IQCM: variants seen among roughly 807,000 people sequenced by gnomAD.
IQCM encodes the protein IQ motif containing M.
A neutral mutation model predicts 57.6 loss-of-function variants in IQCM; 45 were observed. That is an observed-to-expected ratio of 0.78 (90% CI 0.62 to 1.00). IQCM has a LOEUF of 1.00. Among genes scored for constraint, IQCM ranks in the 50% least tolerant of loss-of-function variants. IQCM has a pLI of 0.00. For synonymous variants in IQCM, 148 were observed against 158.9 expected, an observed-to-expected ratio of 0.93 and a Z score of 0.51; for missense variants, 468 against 511.6, an observed-to-expected ratio of 0.91 and a Z score of 0.82.
rs540402807 is a variant in IQCM at position 149,577,894 on chromosome 4, T to G, written c.749+10036A>C. Among the ~76,000 whole-genome samples the G allele has an allele frequency of 4.8e-4, 73 of 152,034 alleles. 1 individual carries two copies. The South Asian group carries it at 0.015, about 32-fold the overall frequency. The stretch of plus-strand genomic sequence containing the variant: ...TTCATTTGTTTGGGTCATCCTTGAT[T>G]TCTTTCAGCAGTGTTTTGTAATTCT... On this transcript the variant is annotated intron_variant, in intron 9 of 13. Coordinates refer to ENST00000636793, the MANE Select transcript of IQCM (RefSeq NM_001363507.2).
chr4:149,412,029 C>T (rs888640444), intron 13 of IQCM, among the ~76,000 whole-genome samples: 7 of 151,656 alleles, frequency 4.6e-5, no homozygotes, highest in South Asian at 2.1e-4. Context: ...GATCTTTACA[C>T]GTATTTCTTA....
At chr4:149,752,970 C>G (rs879554976) in intron 2 of IQCM, among the ~76,000 whole-genome samples, 1,950 of 152,286 alleles carry the variant, frequency 0.013, 30 homozygotes, top group Admixed American at 0.046. Flanking sequence ...TGAAATATCA[C>G]TATCAAAGGG....
intron 13 of IQCM, among the ~76,000 whole-genome samples, chr4:149,402,494 T>G (rs1732686377): frequency 1.3e-5 from 2 of 151,922 alleles, no homozygotes; most frequent in South Asian, 4.1e-4. Flanking sequence ...CTCTAGGCCA[T>G]GATCAATTAT....
intron 5 of IQCM, among the ~76,000 whole-genome samples, chr4:149,703,407 G>A (rs755090139): frequency 4.5e-4 from 68 of 151,818 alleles, no homozygotes; most frequent in Admixed American, 2.6e-3. Flanking sequence ...TTGTTTGGAG[G>A]AGGGCTAGGA....
chr4:149,507,279 T>C (rs1255576518), intron 12 of IQCM, among the ~76,000 whole-genome samples: 3 of 152,196 alleles, frequency 2.0e-5, no homozygotes, highest in African/African-American at 7.2e-5. Flanking sequence ...GCTGGAAAGA[T>C]ATCTGAAAGT....
intron 12 of IQCM, among the ~76,000 whole-genome samples, chr4:149,481,835 G>GC (rs1340588934): frequency 6.7e-6 from 1 of 149,820 alleles, no homozygotes; most frequent in East Asian, 2.0e-4. Context: ...GACAGGAATT[G>GC]CATTGAATCT....
intron 12 of IQCM, among the ~76,000 whole-genome samples, chr4:149,448,442 T>C (rs898438605): frequency 6.6e-6 from 1 of 151,316 alleles, no homozygotes; most frequent in African/African-American, 2.4e-5. Flanking sequence ...GCCTTAAAAC[T>C]CTTGAAAAGG....
chr4:149,548,585 A>G lies in IQCM; in HGVS notation c.1098T>C (p.Tyr366=), dbSNP rs2149896256. 8.2e-7 allele frequency: 1 copy of G among 1,219,340 alleles called. No homozygotes were observed. Among genetic ancestry groups the G allele is most frequent in the African/African-American group, 1.6e-5 (1 of 64,290 alleles). 75.5% of individuals were successfully genotyped at this position (1,219,340 alleles called of 1,614,324 possible). A position where few individuals can be genotyped will look rare whatever the true frequency, so the allele number is the denominator to read the frequency against. The part of the protein sequence containing the change: ...LEEWMDRKKF[Y]EIMFAKREDW... ...CTTCCCTCTTAGCAAACATTATTTC[A>G]TAGACTAAAAGGACAAAAATGTAAA... is the stretch of plus-strand genomic sequence containing the variant. Residue 366 remains tyrosine (Y), a synonymous_variant, in exon 12 of 14, where the codon TAT becomes TAC. Coordinates refer to ENST00000636793, the MANE Select transcript of IQCM (RefSeq NM_001363507.2).
At chr4:149,442,456 T>C (rs2111339898) in intron 12 of IQCM, among the ~76,000 whole-genome samples, 1 of 152,122 alleles carries the variant, frequency 6.6e-6, no homozygotes, top group African/African-American at 2.4e-5. Context: ...AGGCTGCACA[T>C]TCAATTCTGG....
intron 2 of IQCM, among the ~76,000 whole-genome samples, chr4:149,776,618 G>T (rs1208167301): frequency 6.6e-6 from 1 of 152,088 alleles, no homozygotes; most frequent in Non-Finnish European, 1.5e-5. Flanking sequence ...ACGGTAAAAT[G>T]TATTTGTGGA....
intron 3 of IQCM, among the ~76,000 whole-genome samples, chr4:149,736,870 CA>C (rs1348735558): frequency 2.6e-5 from 4 of 152,124 alleles, no homozygotes; most frequent in Non-Finnish European, 4.4e-5. Context: ...TGTATGTTTA[CA>C]AAAGATTTGT....
At chr4:149,664,935 G>A (rs1431184044) in intron 7 of IQCM, among the ~76,000 whole-genome samples, 1 of 152,154 alleles carries the variant, frequency 6.6e-6, no homozygotes, top group Non-Finnish European at 1.5e-5. Context: ...TAGCTATTAG[G>A]CAGCTTCCTT....
chr4:149,456,694 AAT>A (rs1193415958), intron 12 of IQCM, among the ~76,000 whole-genome samples: 1 of 151,920 alleles, frequency 6.6e-6, no homozygotes, highest in Non-Finnish European at 1.5e-5. Flanking sequence ...ATAGGGAGAG[AAT>A]CCCTCTCATG....
intron 8 of IQCM, among the ~76,000 whole-genome samples, chr4:149,608,995 T>C (rs1290948619): frequency 1.3e-5 from 2 of 151,266 alleles, no homozygotes; most frequent in Admixed American, 1.3e-4. Flanking sequence ...GAACAAAAGT[T>C]GAGCCAGACT....
intron 12 of IQCM, among the ~76,000 whole-genome samples, chr4:149,483,976 A>G (rs1741190251): frequency 6.6e-6 from 1 of 151,992 alleles, no homozygotes; most frequent in African/African-American, 2.4e-5. Context: ...TATATTTACA[A>G]TCATGATATC....
intron 12 of IQCM, among the ~76,000 whole-genome samples, chr4:149,495,032 T>C (rs1560912582): frequency 6.6e-6 from 1 of 151,972 alleles, no homozygotes; most frequent in South Asian, 2.1e-4. Context: ...AGGATAGTTA[T>C]TAGCGGAGAA....
intron 12 of IQCM, among the ~76,000 whole-genome samples, chr4:149,502,144 A>G (rs1743307154): frequency 7.1e-6 from 1 of 141,284 alleles, no homozygotes; most frequent in African/African-American, 2.4e-5. Context: ...TTATAATTAT[A>G]TATATATACA....
chr4:149,529,305 T>C (rs1302415255), intron 12 of IQCM, among the ~76,000 whole-genome samples: 1 of 152,196 alleles, frequency 6.6e-6, no homozygotes, highest in Non-Finnish European at 1.5e-5. Flanking sequence ...CCTCAAGTGA[T>C]CTGCGGGCCT....
chr4:149,787,816 A>T (rs894007911), intron 2 of IQCM, among the ~76,000 whole-genome samples: 2 of 152,196 alleles, frequency 1.3e-5, no homozygotes, highest in Non-Finnish European at 2.9e-5. Flanking sequence ...AGGCAACAAA[A>T]TAAAAAGTAG....
Sources: allele counts gnomAD v4.1 joint callset (sites outside exome capture counted in the v4.1 genomes callset), GRCh38; gene constraint gnomAD v4.1.1; transcripts MANE v1.5; gene names NCBI Gene and HGNC (gene_info 2026-07-23, HGNC 2026-07-21).